The following CTNNA3 variants were observed in gnomAD, a reference collection of about 807,000 sequenced individuals.
CTNNA3 encodes catenin alpha-3.
Under a neutral mutation model 95.7 loss-of-function variants are expected in CTNNA3, and 76 were observed. The observed-to-expected ratio is 0.79, with a 90% CI of 0.66 to 0.96. CTNNA3 has a LOEUF of 0.96. Ranked by LOEUF, CTNNA3 falls within the 40% of genes least tolerant of loss-of-function variation. The probability of loss-of-function intolerance (pLI) is 0.00; values close to 1 mark genes in which losing one functional copy is unlikely to be tolerated. For missense variants in CTNNA3, 1,191 were observed against 1,089.8 expected (o/e 1.09, Z -1.31); for synonymous variants, 431 against 374.4 (o/e 1.15, Z -1.74).
At chr10:67,301,381 C>T (rs2132496462) in intron 5 of CTNNA3, among the ~76,000 whole-genome samples, 1 of 152,242 alleles carries the variant, frequency 6.6e-6, no homozygotes, top group Admixed American at 6.5e-5. Flanking sequence ...GGAGAAAAGG[C>T]AACCCTTGTA....
chr10:66,185,464 A>G (rs1194767049), intron 13 of CTNNA3, among the ~76,000 whole-genome samples: 1 of 152,112 alleles, frequency 6.6e-6, no homozygotes, highest in Non-Finnish European at 1.5e-5. Flanking sequence ...CATGAAAACA[A>G]TGCATTTGAA....
chr10:66,430,818 A>G lies in CTNNA3; in HGVS notation c.1532-51466T>C, dbSNP rs553378835. Among the ~76,000 whole-genome samples the G allele has an allele frequency of 1.0e-3, 157 of 152,308 alleles. No individual in the cohort carries two copies. In the South Asian group the frequency reaches 0.031, roughly 30 times the overall value. ...AAAAACCCTGGAAGAAAACCTAGGC[A>G]ATACCATTCAGGACATAGGCATGGG... On this transcript the variant is annotated intron_variant, in intron 11 of 17. Coordinates refer to ENST00000433211, the MANE Select transcript of CTNNA3 (RefSeq NM_013266.4).
intron 7 of CTNNA3, chr10:67,177,066 T>C (rs562352647): frequency 1.8e-5 from 8 of 438,818 alleles, no homozygotes; most frequent in South Asian, 1.3e-4. Context: ...TAACCAAACA[T>C]ATATACATAT....
At chr10:66,786,367 C>T (rs1840745899) in intron 7 of CTNNA3, among the ~76,000 whole-genome samples, 1 of 152,144 alleles carries the variant, frequency 6.6e-6, no homozygotes, top group South Asian at 2.1e-4. Flanking sequence ...TTCCCTTCAG[C>T]TCTCCTTCCT....
At chr10:66,834,678 A>G (rs1362269798) in intron 7 of CTNNA3, among the ~76,000 whole-genome samples, 5 of 152,208 alleles carry the variant, frequency 3.3e-5, no homozygotes, top group African/African-American at 1.2e-4. Flanking sequence ...CTGCATTCTA[A>G]GCGTTCATGA....
intron 2 of CTNNA3, among the ~76,000 whole-genome samples, chr10:67,632,872 G>A (rs1228195671): frequency 6.6e-6 from 1 of 152,158 alleles, no homozygotes; most frequent in East Asian, 1.9e-4. Flanking sequence ...CTAAAACCAG[G>A]GAGCCAAACA....
chr10:66,638,352 C>T (rs1250462374), intron 9 of CTNNA3, among the ~76,000 whole-genome samples: 1 of 152,104 alleles, frequency 6.6e-6, no homozygotes, highest in Non-Finnish European at 1.5e-5. Flanking sequence ...TCTATTTAGC[C>T]TATTAATTTC....
intron 7 of CTNNA3, among the ~76,000 whole-genome samples, chr10:66,995,196 T>C (rs1374841244): frequency 6.6e-6 from 1 of 152,184 alleles, no homozygotes; most frequent in East Asian, 1.9e-4. Context: ...CTCCTCCTTT[T>C]GTATTTCTCT....
chr10:66,586,691 G>A (rs1843370050), intron 10 of CTNNA3, among the ~76,000 whole-genome samples: 1 of 152,012 alleles, frequency 6.6e-6, no homozygotes, highest in Admixed American at 6.6e-5. Flanking sequence ...TTGGGTGAGG[G>A]GAAAAAGAAA....
chr10:67,268,954 T>C (rs1206698916), intron 5 of CTNNA3, among the ~76,000 whole-genome samples: 3 of 152,180 alleles, frequency 2.0e-5, no homozygotes, highest in African/African-American at 7.2e-5. Flanking sequence ...TCCTTATCAT[T>C]CAGAGAACCG....
intron 5 of CTNNA3, among the ~76,000 whole-genome samples, chr10:67,278,087 T>C (rs1441297145): frequency 6.6e-6 from 1 of 152,154 alleles, no homozygotes; most frequent in Non-Finnish European, 1.5e-5. Context: ...CCAAGAATCC[T>C]CTCTTGGGGT....
chr10:66,843,786 A>G (rs12250080), intron 7 of CTNNA3, among the ~76,000 whole-genome samples: 27,285 of 152,124 alleles, frequency 0.18, 2,914 homozygotes, highest in Admixed American at 0.34. Flanking sequence ...AATTTTTTTC[A>G]TTCCTTTCTC....
chr10:67,411,959 T>C (rs932316770), intron 5 of CTNNA3, among the ~76,000 whole-genome samples: 2 of 152,144 alleles, frequency 1.3e-5, no homozygotes, highest in Admixed American at 6.6e-5. Context: ...AAAATAAATC[T>C]GTTGAATCTG....
At chr10:67,678,743 G>A (rs531659978) in intron 1 of CTNNA3, among the ~76,000 whole-genome samples, 1 of 152,252 alleles carries the variant, frequency 6.6e-6, no homozygotes, top group African/African-American at 2.4e-5. Flanking sequence ...TGGTATACAA[G>A]GAGCCTTCTA....
intron 13 of CTNNA3, among the ~76,000 whole-genome samples, chr10:66,229,380 C>T (rs1329218693): frequency 6.6e-6 from 1 of 152,044 alleles, no homozygotes; most frequent in Non-Finnish European, 1.5e-5. Context: ...GTGTCAGGCT[C>T]TCTTATGCAA....
chr10:66,132,532 G>A (rs1032461582), intron 13 of CTNNA3, among the ~76,000 whole-genome samples: 90 of 152,206 alleles, frequency 5.9e-4, no homozygotes, highest in African/African-American at 2.2e-3. Flanking sequence ...ATTCAACCCA[G>A]CAATCCCATT....
intron 10 of CTNNA3, among the ~76,000 whole-genome samples, chr10:66,575,296 G>T (rs995881222): frequency 6.6e-6 from 1 of 151,972 alleles, no homozygotes; most frequent in Admixed American, 6.6e-5. Context: ...TAAACAACTT[G>T]TGCCAAAGTC....
intron 7 of CTNNA3, among the ~76,000 whole-genome samples, chr10:66,963,614 C>T (rs1216793922): frequency 6.6e-6 from 1 of 152,074 alleles, no homozygotes; most frequent in Non-Finnish European, 1.5e-5. Context: ...CACCCTAACC[C>T]TGACAGTTCC....
chr10:66,744,166 C>T (rs1026286133), intron 9 of CTNNA3, among the ~76,000 whole-genome samples: 5 of 151,980 alleles, frequency 3.3e-5, no homozygotes, highest in African/African-American at 9.7e-5. Flanking sequence ...AAAAAGGAAA[C>T]TTTGGATCAC....
Sources: gnomAD v4.1 joint callset for allele counts (sites outside exome capture counted in the v4.1 genomes callset) on GRCh38, gnomAD v4.1.1 for gene constraint, MANE v1.5 for transcripts, NCBI Gene and HGNC (gene_info 2026-07-23, HGNC 2026-07-21) for gene names.